Variants in PGBD5 observed in about 807,000 individuals in gnomAD.
PGBD5 encodes the protein piggyBac transposable element-derived protein 5.
PGBD5 carries 14 observed loss-of-function variants against 47.9 expected under a neutral mutation model. The ratio of observed to expected loss-of-function variants is 0.29; its 90% confidence interval spans 0.19 to 0.46. PGBD5 has a LOEUF of 0.46. Ranked by LOEUF, PGBD5 falls within the 20% of genes least tolerant of loss-of-function variation. PGBD5 has a pLI of 1.00. For missense variants in PGBD5, 635 were observed against 716.0 expected (o/e 0.89, Z 1.29); for synonymous variants, 316 against 306.3 (o/e 1.03, Z -0.33).
intron 1 of PGBD5, among the ~76,000 whole-genome samples, chr1:230,387,722 G>A (rs878913888): frequency 3.3e-5 from 5 of 152,204 alleles, no homozygotes; most frequent in Admixed American, 3.3e-4. Flanking sequence ...AATAGCCATG[G>A]TCTCAGCAGC....
chr1:230,403,228 C>T (rs1571861213), intron 1 of PGBD5, among the ~76,000 whole-genome samples: 1 of 152,246 alleles, frequency 6.6e-6, no homozygotes, highest in East Asian at 1.9e-4. Context: ...GTGTCTTAAT[C>T]TCCCAACGTC....
At chr1:230,326,406 C>T (rs1006148830) in intron 5 of PGBD5, among the ~76,000 whole-genome samples, 13 of 151,944 alleles carry the variant, frequency 8.6e-5, no homozygotes, top group African/African-American at 2.7e-4. Flanking sequence ...GTGACAAGAG[C>T]GAAACTCCAT....
intron 1 of PGBD5, among the ~76,000 whole-genome samples, chr1:230,373,214 T>C (rs1369223116): frequency 1.3e-5 from 2 of 152,142 alleles, no homozygotes; most frequent in African/African-American, 4.8e-5. Context: ...TCTGTGCAGG[T>C]GCAACCCGTG....
chr1:230,409,849 AG>A (rs1657377600), intron 1 of PGBD5, among the ~76,000 whole-genome samples: 2 of 152,122 alleles, frequency 1.3e-5, no homozygotes, highest in South Asian at 2.1e-4. Context: ...TAAAAAAAAA[AG>A]GATAAACAAC....
intron 4 of PGBD5, 34 bp from the exon 5 acceptor site, chr1:230,333,075 C>G (rs1419270142): frequency 6.4e-7 from 1 of 1,558,570 alleles, no homozygotes; most frequent in Admixed American, 1.9e-5. Flanking sequence ...CGCACACTCA[C>G]CACCATCGGA....
intron 1 of PGBD5, among the ~76,000 whole-genome samples, chr1:230,411,157 C>T (rs1657399007): frequency 6.6e-6 from 1 of 152,126 alleles, no homozygotes; most frequent in African/African-American, 2.4e-5. Flanking sequence ...GTGGCACACG[C>T]CTGTAGTCCC....
rs545476552 is a variant in PGBD5, at chr1:230,357,605, C to A, written c.332-284G>T. Among the ~76,000 whole-genome samples, 66 of 152,270 alleles carry A rather than the reference C, an allele frequency of 4.3e-4. No homozygotes were observed. Among genetic ancestry groups the A allele is most frequent in the African/African-American group, 1.5e-3 (64 of 41,540 alleles). ...ACCACAGGAACAAACAGCCCTGACACCCGGAGTGCAAGCTGCAGCCTGCAT... is the reference window on the plus strand; with the variant it reads ...ACCACAGGAACAAACAGCCCTGACAACCGGAGTGCAAGCTGCAGCCTGCAT... On this transcript the variant is annotated intron_variant, in intron 1 of 6. Coordinates refer to ENST00000391860, the MANE Select transcript of PGBD5 (RefSeq NM_001258311.2). This position sits in a 1 kb window ranked among gnomAD's most constrained non-coding sequence, Gnocchi z 5.7.
At chr1:230,335,752 C>CACACAA (rs1404443516) in intron 4 of PGBD5, among the ~76,000 whole-genome samples, 19 of 132 alleles carry the variant, frequency 0.14, no homozygotes, top group East Asian at 0.2. Flanking sequence ...CAAAGACACA[C>CACACAA]ACAGATACAC....
chr1:230,345,669 T>C (rs1667464005), intron 3 of PGBD5, among the ~76,000 whole-genome samples: 2 of 152,356 alleles, frequency 1.3e-5, no homozygotes, highest in South Asian at 4.1e-4. Flanking sequence ...GTTGACCTTT[T>C]CCTTGGCTAG....
At chr1:230,416,475 C>T (rs1003006950) in intron 1 of PGBD5, among the ~76,000 whole-genome samples, 1 of 152,238 alleles carries the variant, frequency 6.6e-6, no homozygotes, top group Non-Finnish European at 1.5e-5. Context: ...TGTCCAAGGT[C>T]TCCACACATG....
intron 3 of PGBD5, among the ~76,000 whole-genome samples, 182 bp downstream of exon 3, chr1:230,350,776 C>T (rs868594285): frequency 2.0e-5 from 3 of 152,200 alleles, no homozygotes; most frequent in South Asian, 2.1e-4. Context: ...GCTGGCTACC[C>T]GCTGCCTCGG....
Position 230,362,526 on chromosome 1 carries a change from C to G in PGBD5, c.332-5205G>C, listed in dbSNP as rs974657769. 1.1e-5 allele frequency: 12 copies of G among 1,115,556 alleles called. No individual in the cohort carries two copies. In the African/African-American group the frequency reaches 1.8e-4, roughly 17 times the overall value. 69.1% of individuals were successfully genotyped at this position (1,115,556 alleles called of 1,614,324 possible). ...CATGAAGCATCACCTTCTGGGGGAA[C>G]CTCCTGACCCCCAGGCCAGCTTCTT... On this transcript the variant is annotated intron_variant, in intron 1 of 6. Transcript: ENST00000391860.
At chr1:230,400,464 T>C (rs1023394343) in intron 1 of PGBD5, among the ~76,000 whole-genome samples, 2 of 152,316 alleles carry the variant, frequency 1.3e-5, no homozygotes, top group East Asian at 1.9e-4. Flanking sequence ...GTGTGCTTCA[T>C]GGAGGCCAGA....
intron 1 of PGBD5, among the ~76,000 whole-genome samples, chr1:230,415,273 T>TAA (rs36018440): frequency 1.4e-5 from 2 of 143,784 alleles, no homozygotes; most frequent in Non-Finnish European, 1.5e-5. Context: ...AGACTCTGTC[T>TAA]AAAAAAAAAA....
chr1:230,345,168 T>C (rs1279080217), intron 3 of PGBD5, among the ~76,000 whole-genome samples: 1 of 152,162 alleles, frequency 6.6e-6, no homozygotes, highest in African/African-American at 2.4e-5. Context: ...TCACTAAAGG[T>C]CGATGAACAT....
chr1:230,354,752 T>C (rs989731163), intron 2 of PGBD5, among the ~76,000 whole-genome samples: 1 of 152,164 alleles, frequency 6.6e-6, no homozygotes, highest in Admixed American at 6.5e-5. Context: ...AGTCCCTGCA[T>C]CAACATCTCT....
intron 1 of PGBD5, among the ~76,000 whole-genome samples, chr1:230,366,202 TCTC>T (rs1294090483): frequency 6.6e-6 from 1 of 152,268 alleles, no homozygotes; most frequent in East Asian, 1.9e-4. Flanking sequence ...GCTCATCTGC[TCTC>T]CTCTTGACCA....
chr1:230,355,942 G>A (rs1667638627), intron 2 of PGBD5, among the ~76,000 whole-genome samples: 1 of 152,168 alleles, frequency 6.6e-6, no homozygotes, highest in South Asian at 2.1e-4. Context: ...ATTTTCAGCT[G>A]TGTGAGGGGA....
chr1:230,376,924 G>A (rs962388821), intron 1 of PGBD5, among the ~76,000 whole-genome samples: 5 of 152,192 alleles, frequency 3.3e-5, no homozygotes, highest in South Asian at 2.1e-4. Flanking sequence ...GCCTGGGATG[G>A]CATTTGTAAA....
Sources: gnomAD v4.1 joint callset for allele counts (sites outside exome capture counted in the v4.1 genomes callset) on GRCh38, gnomAD v4.1.1 for gene constraint, Gnocchi (gnomAD v3.1) non-coding constraint, MANE v1.5 for transcripts, NCBI Gene and HGNC (gene_info 2026-07-23, HGNC 2026-07-21) for gene names.